Variants in TRAPPC9 observed in about 807,000 individuals in gnomAD.
The protein encoded by TRAPPC9 is trafficking protein particle complex subunit 9, also known as IKK2 binding protein.
In TRAPPC9, 83 loss-of-function variants were observed where a neutral mutation model predicts 124.0. The observed-to-expected ratio is 0.67, with a 90% CI of 0.56 to 0.80. The LOEUF (loss-of-function observed/expected upper bound fraction) is 0.80, where lower values mean the gene tolerates loss of function less well. Among genes scored for constraint, TRAPPC9 ranks in the 30% least tolerant of loss-of-function variants. The pLI is 0.00. For synonymous variants in TRAPPC9, 638 were observed against 617.5 expected (o/e 1.03, Z -0.49); for missense variants, 1,302 against 1,508.3 (o/e 0.86, Z 2.27).
intron 5 of TRAPPC9, among the ~76,000 whole-genome samples, chr8:140,423,358 T>G (rs2070289363): frequency 6.6e-6 from 1 of 151,988 alleles, no homozygotes; most frequent in African/African-American, 2.4e-5. Flanking sequence ...GAGAATCGCT[T>G]GAACCCAGGA....
At chr8:139,793,402 A>G (rs1054589059) in intron 21 of TRAPPC9, among the ~76,000 whole-genome samples, 5 of 152,186 alleles carry the variant, frequency 3.3e-5, no homozygotes, top group South Asian at 2.1e-4. Flanking sequence ...ACTCCTGTTC[A>G]GCCCACAGGG....
chr8:139,942,184 G>A (rs1046628215), intron 19 of TRAPPC9, among the ~76,000 whole-genome samples: 13 of 152,286 alleles, frequency 8.5e-5, no homozygotes, highest in East Asian at 1.9e-4. Flanking sequence ...GGGCGGCCAC[G>A]TAGCAACCCT....
intron 15 of TRAPPC9, among the ~76,000 whole-genome samples, chr8:140,256,239 A>G (rs1265256381): frequency 6.6e-6 from 1 of 152,188 alleles, no homozygotes; most frequent in East Asian, 1.9e-4. Context: ...CACATATATG[A>G]TTTATCCTTT....
At chr8:140,362,979 T>C (rs1446303775) in intron 8 of TRAPPC9, among the ~76,000 whole-genome samples, 1 of 152,234 alleles carries the variant, frequency 6.6e-6, no homozygotes, top group Non-Finnish European at 1.5e-5. Flanking sequence ...CAAAGTGCTC[T>C]CCCTATAAAA....
At chr8:140,210,680 C>A (rs1462553967) in intron 17 of TRAPPC9, among the ~76,000 whole-genome samples, 1 of 152,196 alleles carries the variant, frequency 6.6e-6, no homozygotes, top group Non-Finnish European at 1.5e-5. Flanking sequence ...AAGGCACTGC[C>A]TGTCCCCAAG....
chr8:140,034,553 G>A (rs1193162959), intron 17 of TRAPPC9, among the ~76,000 whole-genome samples: 1 of 152,232 alleles, frequency 6.6e-6, no homozygotes, highest in East Asian at 1.9e-4. Flanking sequence ...GCTCACTGCG[G>A]GCAGGGACCA....
chr8:140,300,596 G>T lies in TRAPPC9; in HGVS notation c.1641C>A (p.Asn547Lys), dbSNP rs2065948872. 1 of 1,614,104 alleles carries T rather than the reference G, an allele frequency of 6.2e-7. No individual in the cohort carries two copies. The highest frequency in any genetic ancestry group is 1.1e-5 in the South Asian group (1 of 91,088). The change falls in exon 11 of 23, where the codon AAC (asparagine) becomes AAA (lysine). Residue 547 changes from asparagine (N) to lysine (K), a missense_variant. This residue lies in a region of TRAPPC9 where 657 missense variants were observed against 811.2 expected (regional missense o/e 0.81). Coordinates refer to ENST00000438773, the MANE Select transcript of TRAPPC9 (RefSeq NM_001160372.4). ...TGTGTGGCCGGAGGCTAGCAGGAAG[G>T]TTCAATAGTTTCACATGCCTGTTGT... ...LPIVRHVKLL[N>K]LPASLRPHKM...
chr8:139,743,470 T>C (rs1041593682), intron 21 of TRAPPC9, among the ~76,000 whole-genome samples: 17 of 152,272 alleles, frequency 1.1e-4, no homozygotes, highest in African/African-American at 4.1e-4. Context: ...TTTAAGGCTC[T>C]ATCCAGCCTG....
chr8:140,055,644 A>C (rs1842249778), intron 17 of TRAPPC9, among the ~76,000 whole-genome samples: 1 of 152,246 alleles, frequency 6.6e-6, no homozygotes, highest in Non-Finnish European at 1.5e-5. Flanking sequence ...CAGAACTGCT[A>C]AACAAATATC....
Position 140,107,495 on chromosome 8 carries a change from G to A in TRAPPC9, c.2557-83416C>T, listed in dbSNP as rs148596495. 5.9e-5 allele frequency among the ~76,000 whole-genome samples: 9 copies of A among 152,328 alleles called. 1 individual carries two copies. The East Asian group carries it at 1.5e-3, about 26-fold the overall frequency. On this transcript the variant is annotated intron_variant, in intron 17 of 22. Transcript: ENST00000438773. ...GGAGAACTGTCATTGTAAGAGAACC[G>A]AAGGATGCTATGAAAGGGGCATGTA...
At chr8:139,841,621 T>C (rs997743894) in intron 21 of TRAPPC9, among the ~76,000 whole-genome samples, 1 of 152,186 alleles carries the variant, frequency 6.6e-6, no homozygotes, top group African/African-American at 2.4e-5. Flanking sequence ...GCTGACAGCC[T>C]CCTCTGTCCC....
intron 16 of TRAPPC9, among the ~76,000 whole-genome samples, chr8:140,236,707 G>A (rs2063738578): frequency 6.6e-6 from 1 of 152,192 alleles, no homozygotes; most frequent in South Asian, 2.1e-4. Flanking sequence ...TAGAGAATAT[G>A]AGGCAATATT....
chr8:140,272,423 GTGGTGATGGTAGTGATGGTGGTGC>G (rs2064975448), intron 15 of TRAPPC9, among the ~76,000 whole-genome samples: 1 of 146,582 alleles, frequency 6.8e-6, no homozygotes, highest in Non-Finnish European at 1.5e-5. Context: ...GATGGTGATG[GTGGTGATGGTAGTGATGGTGGTGC>G]TGGTGATGGC....
At chr8:140,176,299 C>A (rs1249019005) in intron 17 of TRAPPC9, among the ~76,000 whole-genome samples, 1 of 152,182 alleles carries the variant, frequency 6.6e-6, no homozygotes, top group Non-Finnish European at 1.5e-5. Context: ...AAAGTGCCTT[C>A]CTGCCTCCTC....
At chr8:140,262,575 T>C (rs1487077847) in intron 15 of TRAPPC9, 1 of 152,108 alleles carries the variant, frequency 6.6e-6, no homozygotes, top group Non-Finnish European at 1.5e-5. Flanking sequence ...TTTCAATGTC[T>C]TTCTAGGAGA....
chr8:140,015,520 T>A (rs1839407619), intron 18 of TRAPPC9, among the ~76,000 whole-genome samples: 1 of 152,092 alleles, frequency 6.6e-6, no homozygotes, highest in Admixed American at 6.5e-5. Context: ...CAGGTCCCTA[T>A]TAAGAAAGAT....
intron 15 of TRAPPC9, among the ~76,000 whole-genome samples, chr8:140,258,086 G>A (rs908965746): frequency 6.6e-6 from 1 of 152,226 alleles, no homozygotes; most frequent in Admixed American, 6.5e-5. Context: ...AAATTAGGCA[G>A]AAAACTAGAC....
intron 18 of TRAPPC9, among the ~76,000 whole-genome samples, chr8:140,001,959 T>C (rs776248579): frequency 1.3e-5 from 2 of 152,172 alleles, no homozygotes; most frequent in Non-Finnish European, 2.9e-5. Context: ...AAACATATTG[T>C]TTTAAAAATC....
chr8:140,030,125 A>G (rs916703809), intron 17 of TRAPPC9, among the ~76,000 whole-genome samples: 4 of 152,228 alleles, frequency 2.6e-5, no homozygotes, highest in African/African-American at 7.2e-5. Context: ...AACTAGGCAT[A>G]GAAAGGAACA....
Sources: allele counts gnomAD v4.1 joint callset (sites outside exome capture counted in the v4.1 genomes callset), GRCh38; gene constraint gnomAD v4.1.1; regional missense constraint gnomAD v4.1.1; transcripts MANE v1.5; gene names NCBI Gene and HGNC (gene_info 2026-07-23, HGNC 2026-07-21).